Variants in NRXN3 observed in about 807,000 individuals in gnomAD.
NRXN3 encodes the protein neurexin III.
In NRXN3, 32 loss-of-function variants were observed where a neutral mutation model predicts 137.6. The observed-to-expected ratio is 0.23, with a 90% CI of 0.18 to 0.31. The LOEUF (loss-of-function observed/expected upper bound fraction) is 0.31. Among genes scored for constraint, NRXN3 ranks in the 10% least tolerant of loss-of-function variants. NRXN3 has a pLI of 1.00. For missense variants in NRXN3, 1,574 were observed against 2,062.5 expected, an observed-to-expected ratio of 0.76 and a Z score of 4.59; for synonymous variants, 798 against 784.5, an observed-to-expected ratio of 1.02 and a Z score of -0.29.
chr14:79,819,146 G>T (rs1424407984), intron 20 of NRXN3, among the ~76,000 whole-genome samples: 1 of 152,128 alleles, frequency 6.6e-6, no homozygotes, highest in Non-Finnish European at 1.5e-5. Flanking sequence ...TGTAAGGGCT[G>T]GGGTGTAAGT....
chr14:78,345,480 TAA>T (rs2082621537), intron 4 of NRXN3, among the ~76,000 whole-genome samples: 1 of 152,154 alleles, frequency 6.6e-6, no homozygotes, highest in Non-Finnish European at 1.5e-5. Context: ...TGATTTGTGT[TAA>T]GTGGTAGCAG....
chr14:78,733,685 C>A (rs1234153655), intron 8 of NRXN3, among the ~76,000 whole-genome samples: 2 of 152,028 alleles, frequency 1.3e-5, no homozygotes, highest in African/African-American at 4.8e-5. Context: ...AGTAAGTGTG[C>A]AGGAAAGGAG....
At chr14:78,215,382 A>C (rs2063150182) in intron 1 of NRXN3, among the ~76,000 whole-genome samples, 1 of 152,116 alleles carries the variant, frequency 6.6e-6, no homozygotes, top group African/African-American at 2.4e-5. Context: ...TCATGTCTAA[A>C]GGCTCCTTTC....
intron 15 of NRXN3, among the ~76,000 whole-genome samples, chr14:79,141,335 A>G (rs1035064513): frequency 3.9e-5 from 6 of 152,146 alleles, no homozygotes; most frequent in African/African-American, 1.2e-4. Context: ...TGTCCATATC[A>G]CATGTTATCT....
intron 16 of NRXN3, among the ~76,000 whole-genome samples, chr14:79,517,531 A>T (rs1440120667): frequency 2.0e-5 from 3 of 151,948 alleles, no homozygotes; most frequent in African/African-American, 7.3e-5. Flanking sequence ...AGAAGGGAGG[A>T]CTTCATATTC....
In NRXN3 at chr14:79,278,092, G is replaced by T. The variant is rs1049015556; in HGVS notation, c.3263-189129G>T. ...AATCCCTGTTCTTTATCCTCAGGGG[G>T]TTTGAAATGAGAGTGGAGTATATAA... On this transcript the variant is annotated intron_variant, in intron 15 of 20. Coordinates refer to ENST00000335750, the MANE Select transcript of NRXN3 (RefSeq NM_001330195.2). Among the ~76,000 whole-genome samples, 6 of 152,102 alleles carry T rather than the reference G, an allele frequency of 3.9e-5. No homozygotes were observed. In the South Asian group the frequency reaches 1.2e-3, roughly 32 times the overall value.
chr14:78,873,093 T>G (rs1366335244), intron 10 of NRXN3, among the ~76,000 whole-genome samples: 1 of 152,212 alleles, frequency 6.6e-6, no homozygotes, highest in Non-Finnish European at 1.5e-5. Context: ...AAATATGTGA[T>G]GCCTCCAAGT....
At chr14:79,537,977 T>C (rs2097230198) in intron 16 of NRXN3, among the ~76,000 whole-genome samples, 1 of 152,164 alleles carries the variant, frequency 6.6e-6, no homozygotes, top group Non-Finnish European at 1.5e-5. Context: ...TTTTAATGAT[T>C]ACCATTCTAA....
At chr14:78,357,167 G>A (rs886952130) in intron 4 of NRXN3, among the ~76,000 whole-genome samples, 6 of 152,188 alleles carry the variant, frequency 3.9e-5, no homozygotes, top group African/African-American at 4.8e-5. Flanking sequence ...TGAAGAACTC[G>A]TGGTTTCACG....
intron 15 of NRXN3, among the ~76,000 whole-genome samples, chr14:79,024,773 ATAT>A (rs2099595395): frequency 6.6e-6 from 1 of 152,182 alleles, no homozygotes; most frequent in South Asian, 2.1e-4. Context: ...AAATCCCAAA[ATAT>A]TATTCTCATC....
chr14:79,824,391 G>C (rs1033159482), intron 20 of NRXN3, among the ~76,000 whole-genome samples: 2 of 58,888 alleles, frequency 3.4e-5, no homozygotes, highest in African/African-American at 6.4e-5. Context: ...AGTTTATCAG[G>C]GTTTTTTGAT....
Position 78,436,773 on chromosome 14 carries a change from G to T in NRXN3, c.757+138913G>T, listed in dbSNP as rs142332551. On this transcript the variant is annotated intron_variant, in intron 4 of 20. Coordinates refer to ENST00000335750, the MANE Select transcript of NRXN3 (RefSeq NM_001330195.2). ...ATAACCCCCTGCTGCCTTTCAAATT[G>T]GGGAGTGTCAAGTTGATTCTGTCAT... 2.6e-4 allele frequency among the ~76,000 whole-genome samples: 40 copies of T among 152,320 alleles called. 1 individual carries two copies. Among genetic ancestry groups the T allele is most frequent in the African/African-American group, 8.9e-4 (37 of 41,568 alleles).
chr14:79,210,815 T>C (rs1164882717), intron 15 of NRXN3, among the ~76,000 whole-genome samples: 1 of 152,210 alleles, frequency 6.6e-6, no homozygotes, highest in Non-Finnish European at 1.5e-5. Context: ...ACTTTGTTGC[T>C]GTAAAGTCTC....
At chr14:79,029,850 A>G (rs114622200) in intron 15 of NRXN3, among the ~76,000 whole-genome samples, 84 of 150,204 alleles carry the variant, frequency 5.6e-4, no homozygotes, top group Admixed American at 2.6e-3. Flanking sequence ...TTGTTTGTTT[A>G]TTTATTTATT....
At chr14:79,796,995 A>G (rs540221324) in intron 19 of NRXN3, among the ~76,000 whole-genome samples, 6 of 152,354 alleles carry the variant, frequency 3.9e-5, no homozygotes, top group African/African-American at 1.4e-4. Context: ...TATAAAGTCC[A>G]TGAGGACAAG....
chr14:78,606,736 G>A (rs575487347), intron 4 of NRXN3, among the ~76,000 whole-genome samples: 2 of 152,268 alleles, frequency 1.3e-5, no homozygotes, highest in South Asian at 4.1e-4. Context: ...GTCAACTCAG[G>A]GGGCATGTTT....
intron 10 of NRXN3, among the ~76,000 whole-genome samples, chr14:78,937,683 A>G (rs1287285060): frequency 6.6e-6 from 1 of 152,216 alleles, no homozygotes; most frequent in Admixed American, 6.5e-5. Context: ...TATCACCAGG[A>G]AATTCTCCAT....
intron 4 of NRXN3, among the ~76,000 whole-genome samples, chr14:78,614,264 C>T (rs2097326673): frequency 6.6e-6 from 1 of 152,110 alleles, no homozygotes; most frequent in Admixed American, 6.6e-5. Context: ...GTGGCATGAG[C>T]TGGTAGTTCT....
intron 15 of NRXN3, among the ~76,000 whole-genome samples, chr14:79,449,489 G>A (rs1205899686): frequency 6.6e-6 from 1 of 152,108 alleles, no homozygotes; most frequent in Admixed American, 6.5e-5. Context: ...AGAAATTGCT[G>A]TTTAGATTCT....
Sources: gnomAD v4.1 joint callset for allele counts (sites outside exome capture counted in the v4.1 genomes callset) on GRCh38, gnomAD v4.1.1 for gene constraint, MANE v1.5 for transcripts, NCBI Gene and HGNC (gene_info 2026-07-23, HGNC 2026-07-21) for gene names.